PCDHA5: variants seen among roughly 807,000 people sequenced by gnomAD.
PCDHA5 encodes protocadherin alpha 5.
A neutral mutation model predicts 61.6 loss-of-function variants in PCDHA5; 43 were observed. The ratio of observed to expected loss-of-function variants is 0.70; its 90% CI spans 0.55 to 0.90. The LOEUF is 0.90. PCDHA5 is among the 40% of genes least tolerant of loss of function. The pLI is 0.00. For synonymous variants in PCDHA5, 627 were observed against 543.9 expected, an observed-to-expected ratio of 1.15 and a Z score of -2.13; for missense variants, 1,298 against 1,222.7, an observed-to-expected ratio of 1.06 and a Z score of -0.92.
chr5:140,955,846 T>G (rs1256650141), intron 1 of PCDHA5, among the ~76,000 whole-genome samples: 1 of 152,218 alleles, frequency 6.6e-6, no homozygotes, highest in African/African-American at 2.4e-5. Context: ...GTCATTCTCC[T>G]TGAAGAGGTC....
chr5:140,834,580 C>A lies in PCDHA5; in HGVS notation c.2352+10453C>A, dbSNP rs782011323. 9 of 1,613,900 alleles carry A rather than the reference C, an allele frequency of 5.6e-6. No homozygotes were observed. The Admixed American group carries it at 8.3e-5, about 15-fold the overall frequency. Reference sequence around the variant, plus strand: ...GAGCTGGTGCCGCGCCTGTTCCGGGCGGTGTGCAAATTCCGTGGGGATCTT... The same window carrying A: ...GAGCTGGTGCCGCGCCTGTTCCGGGAGGTGTGCAAATTCCGTGGGGATCTT... On this transcript the variant is annotated intron_variant, in intron 1 of 3. Coordinates refer to ENST00000529859, the MANE Select transcript of PCDHA5 (RefSeq NM_018908.3).
In PCDHA5 at chr5:140,946,774, T is replaced by G. The variant is rs57013515; in HGVS notation, c.2353-32175T>G. On this transcript the variant is annotated intron_variant, in intron 1 of 3. Coordinates refer to ENST00000529859, the MANE Select transcript of PCDHA5 (RefSeq NM_018908.3). ...TGCATGATCTCATTCATGTGGAATGTAAAAAAGCTGATCTTATAGAAGCAG... is the reference window on the plus strand; with the variant it reads ...TGCATGATCTCATTCATGTGGAATGGAAAAAAGCTGATCTTATAGAAGCAG... Among the ~76,000 whole-genome samples, 481 of 151,404 alleles carry G rather than the reference T, an allele frequency of 3.2e-3. 2 individuals are homozygous for G. Among genetic ancestry groups the G allele is most frequent in the African/African-American group, 0.011 (462 of 41,264 alleles).
chr5:140,890,341 T>C (rs2062601372), intron 1 of PCDHA5, among the ~76,000 whole-genome samples: 1 of 152,190 alleles, frequency 6.6e-6, no homozygotes, highest in Non-Finnish European at 1.5e-5. Context: ...GTTGGGATGG[T>C]TTACTATATA....
rs1563652468 is a variant in PCDHA5, at chr5:141,000,419, A to ATT, written c.2501-9207_2501-9206insTT. ...TCTATATATATATATATATATATAT[A>ATT]TATTTTTTTTTTTTTTTTTTTTTTT... On this transcript the variant is annotated intron_variant, in intron 3 of 3. Transcript: ENST00000529859. 2.1e-3 allele frequency among the ~76,000 whole-genome samples: 126 copies of ATT among 60,978 alleles called. 1 individual carries two copies. The highest frequency in any genetic ancestry group is 3.3e-3 in the African/African-American group (43 of 13,160). The allele number at this position is 60,978 out of a possible 152,430, so 40.0% of individuals were successfully genotyped here. A position where few individuals can be genotyped will look rare whatever the true frequency, so the allele number is the denominator to read the frequency against.
At chr5:140,967,652 T>A in intron 1 of PCDHA5, 1 of 1,614,152 alleles carries the variant, frequency 6.2e-7, no homozygotes, top group South Asian at 1.1e-5. Flanking sequence ...CAGGTACTCC[T>A]TGAGCAGCTA....
Position 140,856,403 on chromosome 5 carries a change from G to A in PCDHA5, c.2352+32276G>A, listed in dbSNP as rs782447462. On this transcript the variant is annotated intron_variant, in intron 1 of 3. Coordinates refer to ENST00000529859, the MANE Select transcript of PCDHA5 (RefSeq NM_018908.3). ...CAGGCCGCTGCAGGTTTTCCATGTG[G>A]ACGTGGAAGTGAAGGACATTAACGA... 5.8e-5 allele frequency: 92 copies of A among 1,598,448 alleles called. 11 individuals are homozygous for A. The highest frequency in any genetic ancestry group is 7.7e-5 in the Non-Finnish European group (90 of 1,168,002).
intron 1 of PCDHA5, among the ~76,000 whole-genome samples, chr5:140,881,688 T>C (rs2153380887): frequency 6.6e-6 from 1 of 152,368 alleles, no homozygotes; most frequent in Middle Eastern, 3.4e-3. Flanking sequence ...TATGTTTCCT[T>C]TTGGAGTCAA....
intron 1 of PCDHA5, chr5:140,882,537 TCGACCGCGAGGAGCTGTGTGGGC>T (rs1554174449): frequency 1.2e-6 from 2 of 1,614,058 alleles, no homozygotes; most frequent in African/African-American, 2.7e-5. Flanking sequence ...AATTCTCGGA[TCGACCGCGAGGAGCTGTGTGGGC>T]GGAGCGCGGA....
chr5:140,982,596 G>A, intron 3 of PCDHA5, 33 bp downstream of exon 3: 2 of 1,609,850 alleles, frequency 1.2e-6, no homozygotes, highest in South Asian at 2.2e-5. Flanking sequence ...TTCTTTCTTG[G>A]TTTCTGGAAA....
At chr5:140,989,140 C>A (rs2153881117) in intron 3 of PCDHA5, among the ~76,000 whole-genome samples, 1 of 152,290 alleles carries the variant, frequency 6.6e-6, no homozygotes, top group East Asian at 1.9e-4. Context: ...CACTTTATCC[C>A]TTCTTTTGTT....
intron 1 of PCDHA5, among the ~76,000 whole-genome samples, chr5:140,888,414 T>C (rs530730994): frequency 2.6e-5 from 4 of 152,170 alleles, no homozygotes; most frequent in Non-Finnish European, 5.9e-5. Context: ...CTGCCAAACA[T>C]CCTACCGTGC....
intron 1 of PCDHA5, chr5:140,871,628 T>C: frequency 7.1e-7 from 1 of 1,401,496 alleles, no homozygotes; most frequent in South Asian, 1.5e-5. Flanking sequence ...GATAACAATG[T>C]CTGTTCATAA....
intron 1 of PCDHA5, among the ~76,000 whole-genome samples, chr5:140,923,036 T>C (rs868918813): frequency 1.3e-5 from 2 of 152,196 alleles, no homozygotes; most frequent in Non-Finnish European, 2.9e-5. Context: ...TATTACTACA[T>C]GTATAGTATT....
chr5:140,858,415 T>C lies in PCDHA5; in HGVS notation c.2352+34288T>C. Reference sequence around the variant, plus strand: ...ATGTGGACGGGGAAGATCAGTCTATTGGAGGGGACCACTCTAGGAAGGTGG... The same window carrying C: ...ATGTGGACGGGGAAGATCAGTCTATCGGAGGGGACCACTCTAGGAAGGTGG... On this transcript the variant is annotated intron_variant, in intron 1 of 3. Transcript: ENST00000529859. 1.9e-6 allele frequency: 3 copies of C among 1,561,830 alleles called. 1 individual carries two copies. The highest frequency in any genetic ancestry group is 2.6e-6 in the Non-Finnish European group (3 of 1,145,536).
At chr5:140,824,610 G>GTTTTTTTTTTTTTTTTTTTTTTTTTTTTT (rs782443702) in intron 1 of PCDHA5, 2 of 95,104 alleles carry the variant, frequency 2.1e-5, no homozygotes, top group Non-Finnish European at 3.8e-5. Context: ...GCTAATTAAA[G>GTTTTTTTTTTTTTTTTTTTTTTTTTTTTT]TTTTTTTTTT....
In PCDHA5 at chr5:141,010,126, C is replaced by A; in HGVS notation, c.*189C>A. The A allele has an allele frequency of 6.2e-7, 1 of 1,602,364 alleles. No homozygotes were observed. The highest frequency in any genetic ancestry group is 1.1e-5 in the South Asian group (1 of 89,898). ...TTTTGTCGTAAAAGCTTTACTAAGT[C>A]TGGTGTTAACTCTTTCTCTCCACTC... On this transcript the variant is annotated 3_prime_UTR_variant, in exon 4 of 4. Coordinates refer to ENST00000529859, the MANE Select transcript of PCDHA5 (RefSeq NM_018908.3).
chr5:140,939,240 AGGT>A (rs1314261929), intron 1 of PCDHA5, among the ~76,000 whole-genome samples: 2 of 152,170 alleles, frequency 1.3e-5, no homozygotes, highest in African/African-American at 4.8e-5. Context: ...GGAAGGAGCA[AGGT>A]AGCTCTCTGG....
chr5:140,856,660 T>C, intron 1 of PCDHA5: 1 of 1,597,974 alleles, frequency 6.3e-7, no homozygotes, highest in Non-Finnish European at 8.6e-7. Flanking sequence ...GTGAAGAAAA[T>C]CCTCAGCTAA....
chr5:140,845,806 G>A lies in PCDHA5; in HGVS notation c.2352+21679G>A, dbSNP rs181852122. ...AATAATAAACTCTGGCAAGTGATAGGTACATAATAAAATTTAGTTATTACC... is the reference window on the plus strand; with the variant it reads ...AATAATAAACTCTGGCAAGTGATAGATACATAATAAAATTTAGTTATTACC... On this transcript the variant is annotated intron_variant, in intron 1 of 3. Transcript: ENST00000529859. 4.5e-3 allele frequency among the ~76,000 whole-genome samples: 673 copies of A among 149,580 alleles called. 58 individuals carry two copies. The highest frequency in any genetic ancestry group is 6.8e-3 in the Middle Eastern group (2 of 292).
Sources: gnomAD v4.1 joint callset for allele counts (sites outside exome capture counted in the v4.1 genomes callset) on GRCh38, gnomAD v4.1.1 for gene constraint, MANE v1.5 for transcripts, NCBI Gene and HGNC (gene_info 2026-07-23, HGNC 2026-07-21) for gene names.